AK7: variants seen among roughly 807,000 people sequenced by gnomAD.
AK7 encodes the protein ATP-AMP transphosphorylase 7.
Under a neutral mutation model 96.6 loss-of-function variants are expected in AK7, and 78 were observed. That is an observed-to-expected ratio of 0.81 (90% confidence interval 0.67 to 0.97). The LOEUF (loss-of-function observed/expected upper bound fraction) is 0.97, where lower values mean the gene tolerates loss of function less well. Among genes scored for constraint, AK7 ranks in the 50% least tolerant of loss-of-function variants. AK7 has a pLI of 0.00. For missense variants in AK7, 855 were observed against 887.9 expected (o/e 0.96, Z 0.47); for synonymous variants, 302 against 317.2 (o/e 0.95, Z 0.51).
chr14:96,451,564 A>G lies in AK7; in HGVS notation c.1092A>G (p.Gly364=), dbSNP rs1262861592. ...TCAAGGAGTACAAGCAAAGCAGAGG[A>G]TTGATGGTAACTATCACTGTTTCCC... ...TILKEYKQSR[G]LMPIKICILG... Residue 364 remains glycine, a synonymous_variant, in exon 10 of 18, where the codon GGA becomes GGG. Transcript: ENST00000267584. The G allele has an allele frequency of 6.6e-7, 1 of 1,515,866 alleles. No individual in the cohort carries two copies. The highest frequency in any genetic ancestry group is 1.4e-5 in the African/African-American group (1 of 71,936). 93.9% of individuals were successfully genotyped at this position (1,515,866 alleles called of 1,614,324 possible). A position where few individuals can be genotyped will look rare whatever the true frequency, so the allele number is the denominator to read the frequency against.
chr14:96,434,404 C>T (rs1418438085), intron 5 of AK7, among the ~76,000 whole-genome samples: 1 of 143,660 alleles, frequency 7.0e-6, no homozygotes, highest in Non-Finnish European at 1.5e-5. Context: ...TCCAAATATA[C>T]AGTCTCTCTG....
chr14:96,429,626 C>T (rs1358719168), intron 5 of AK7, among the ~76,000 whole-genome samples: 2 of 152,156 alleles, frequency 1.3e-5, no homozygotes, highest in African/African-American at 2.4e-5. Flanking sequence ...TTTGTGTCCT[C>T]TTTTATTTCG....
At chr14:96,418,039 C>T (rs1342352648) in intron 4 of AK7, among the ~76,000 whole-genome samples, 1 of 151,770 alleles carries the variant, frequency 6.6e-6, no homozygotes, top group East Asian at 1.9e-4. Flanking sequence ...AGTGAAAAAC[C>T]CAACTGGGCT....
intron 4 of AK7, among the ~76,000 whole-genome samples, chr14:96,412,149 C>T (rs1305481037): frequency 6.6e-6 from 1 of 151,924 alleles, no homozygotes; most frequent in Non-Finnish European, 1.5e-5. Context: ...AATCGTAATC[C>T]CTATAAGATA....
chr14:96,399,866 T>C lies in AK7; in HGVS notation c.294+1603T>C, dbSNP rs2139983408. 6.6e-6 allele frequency among the ~76,000 whole-genome samples: 1 copy of C among 152,128 alleles called. No individual in the cohort carries two copies. Among genetic ancestry groups the C allele is most frequent in the Non-Finnish European group, 1.5e-5 (1 of 67,982 alleles). On this transcript the variant is annotated intron_variant, in intron 2 of 17. Coordinates refer to ENST00000267584, the MANE Select transcript of AK7 (RefSeq NM_152327.5). The surrounding 1 kb of genome is among the most constrained non-coding windows in gnomAD (Gnocchi z 4.1). The stretch of plus-strand genomic sequence containing the variant: ...TACAACAGATGACCTTCCTAAATCT[T>C]ATCCAACCCTATAGCTTCAGCTCCC...
chr14:96,443,502 C>T (rs1893066299), intron 7 of AK7, among the ~76,000 whole-genome samples: 1 of 152,162 alleles, frequency 6.6e-6, no homozygotes, highest in Non-Finnish European at 1.5e-5. Context: ...CATCCACTGG[C>T]CACTAGTAAA....
At chr14:96,466,680 A>G (rs778019497) in intron 12 of AK7, among the ~76,000 whole-genome samples, 47 of 152,050 alleles carry the variant, frequency 3.1e-4, no homozygotes, top group Non-Finnish European at 5.9e-4. Context: ...TCCTGGAGTG[A>G]TATTAACTGC....
At chr14:96,449,721 A>T in intron 8 of AK7, 81 bp from the exon 9 acceptor site, 1 of 1,050,970 alleles carries the variant, frequency 9.5e-7, no homozygotes, top group Non-Finnish European at 1.4e-6. Context: ...GGCGTGAGCC[A>T]CTGCGCCTGG....
At chr14:96,431,142 T>C (rs1892326268) in intron 5 of AK7, among the ~76,000 whole-genome samples, 1 of 152,150 alleles carries the variant, frequency 6.6e-6, no homozygotes, top group Non-Finnish European at 1.5e-5. Flanking sequence ...ATTTGATTCT[T>C]CTCTCTTTTC....
At chr14:96,462,552 T>C (rs1241951639) in intron 12 of AK7, among the ~76,000 whole-genome samples, 1 of 152,090 alleles carries the variant, frequency 6.6e-6, no homozygotes, top group East Asian at 1.9e-4. Flanking sequence ...TGCAGCAAAA[T>C]AAGGGCTTTG....
intron 14 of AK7, 97 bp from the exon 15 acceptor site, chr14:96,478,368 G>A: frequency 1.6e-6 from 2 of 1,220,210 alleles, no homozygotes; most frequent in Non-Finnish European, 1.2e-6. Flanking sequence ...GGCAACAGGA[G>A]GTCTTGGCTG....
intron 16 of AK7, among the ~76,000 whole-genome samples, chr14:96,486,030 C>T (rs1192769623): frequency 6.6e-6 from 1 of 152,002 alleles, no homozygotes; most frequent in Admixed American, 6.6e-5. Flanking sequence ...GTGATCCACC[C>T]GCCTCGGCCT....
chr14:96,460,580 C>A (rs775897285), intron 12 of AK7, among the ~76,000 whole-genome samples: 3 of 152,188 alleles, frequency 2.0e-5, no homozygotes, highest in Non-Finnish European at 4.4e-5. Context: ...TGGCTCTTGA[C>A]TGCCTCCATG....
Position 96,395,800 on chromosome 14 carries a change from A to ATTT in AK7, c.106-2247_106-2245dup, listed in dbSNP as rs1172936912. Reference sequence around the variant, plus strand: ...TAAATTAATCCCCTTTTGATTTTGAATTTTTTTTTTTTTTTTTTTTTTTTT... The same window carrying ATTT: ...TAAATTAATCCCCTTTTGATTTTGAATTTTTTTTTTTTTTTTTTTTTTTTTTTT... On this transcript the variant is annotated intron_variant, in intron 1 of 17. Coordinates refer to ENST00000267584, the MANE Select transcript of AK7 (RefSeq NM_152327.5). Among the ~76,000 whole-genome samples the ATTT allele has an allele frequency of 6.0e-3, 413 of 69,050 alleles. 41 individuals are homozygous for ATTT. Among genetic ancestry groups the ATTT allele is most frequent in the African/African-American group, 9.9e-3 (169 of 17,152 alleles). The allele number at this position is 69,050 out of a possible 152,430, so 45.3% of individuals were successfully genotyped here.
At position 96,399,098 on chromosome 14, in the gene AK7, C is replaced by T. The variant is rs569620871; in HGVS notation, c.294+835C>T. 3.3e-5 allele frequency: 5 copies of T among 151,958 alleles called. No individual in the cohort carries two copies. The highest frequency in any genetic ancestry group is 5.9e-5 in the Non-Finnish European group (4 of 67,976). 9.4% of individuals were successfully genotyped at this position (151,958 alleles called of 1,614,324 possible). A position where few individuals can be genotyped will look rare whatever the true frequency, so the allele number is the denominator to read the frequency against. ...CTCTTTTCTGAGCTCCCATATCATC[C>T]TTTGCCTGCCTAGATCATAGTGCTT... On this transcript the variant is annotated intron_variant, in intron 2 of 17. Coordinates refer to ENST00000267584, the MANE Select transcript of AK7 (RefSeq NM_152327.5). The surrounding 1 kb of genome is among the most constrained non-coding windows in gnomAD (Gnocchi z 4.1).
Position 96,437,876 on chromosome 14 carries a change from G to A in AK7, c.651G>A (p.Gln217=). 6.2e-7 allele frequency: 1 copy of A among 1,613,806 alleles called. No homozygotes were observed. The highest frequency in any genetic ancestry group is 8.5e-7 in the Non-Finnish European group (1 of 1,179,870). ...CATACGTAGTTGCTGCTGGACTCCA[G>A]TATGGAGCGGAAGGAGGCATGTTAC... ...FAAYVVAAGL[Q]YGAEGGMLHT... is the part of the protein sequence containing the mutation. Residue 217 remains glutamine, a synonymous_variant, in exon 6 of 18, where the codon CAG becomes CAA. Transcript: ENST00000267584.
chr14:96,456,742 G>A, intron 11 of AK7: 1 of 316,208 alleles, frequency 3.2e-6, no homozygotes, highest in South Asian at 3.7e-5. Flanking sequence ...GCTGGCTTTG[G>A]CACCCGCAAT....
intron 10 of AK7, among the ~76,000 whole-genome samples, chr14:96,452,991 CTG>C (rs1407117493): frequency 1.3e-5 from 2 of 152,190 alleles, no homozygotes; most frequent in Non-Finnish European, 2.9e-5. Flanking sequence ...GTTTTGAAAA[CTG>C]TAAAATGGCG....
At position 96,450,397 on chromosome 14, in the gene AK7, C is replaced by G. The variant is rs554457811; in HGVS notation, c.948+518C>G. ...CGTCATTGCACTCCAGCCTGGGCAA[C>G]AAGAGAGACAGTCCATCTCAAAATA... On this transcript the variant is annotated intron_variant, in intron 9 of 17. Coordinates refer to ENST00000267584, the MANE Select transcript of AK7 (RefSeq NM_152327.5). Among the ~76,000 whole-genome samples the G allele has an allele frequency of 7.0e-4, 99 of 141,438 alleles. 1 individual carries two copies. Among genetic ancestry groups the G allele is most frequent in the African/African-American group, 2.5e-3 (96 of 37,924 alleles). 92.8% of individuals were successfully genotyped at this position (141,438 alleles called of 152,430 possible). A position where few individuals can be genotyped will look rare whatever the true frequency, so the allele number is the denominator to read the frequency against.
Sources: allele counts gnomAD v4.1 joint callset (sites outside exome capture counted in the v4.1 genomes callset), GRCh38; gene constraint gnomAD v4.1.1; non-coding constraint Gnocchi (gnomAD v3.1); transcripts MANE v1.5; gene names NCBI Gene and HGNC (gene_info 2026-07-23, HGNC 2026-07-21).